The following PTPRG variants were observed in gnomAD, a reference collection of about 807,000 sequenced individuals.
PTPRG encodes the protein protein tyrosine phosphatase receptor type G.
A neutral mutation model predicts 165.3 loss-of-function variants in PTPRG; 102 were observed. The ratio of observed to expected loss-of-function variants is 0.62; its 90% CI spans 0.53 to 0.73. PTPRG has a LOEUF of 0.73. PTPRG is among the 30% of genes least tolerant of loss of function. PTPRG has a pLI of 0.00. For synonymous variants in PTPRG, 675 were observed against 669.5 expected (o/e 1.01, Z -0.13); for missense variants, 1,866 against 1,861.4 (o/e 1.00, Z -0.05).
At chr3:62,165,606 CAG>C (rs1704941536) in intron 7 of PTPRG, among the ~76,000 whole-genome samples, 1 of 152,100 alleles carries the variant, frequency 6.6e-6, no homozygotes, top group South Asian at 2.1e-4. Flanking sequence ...TAAAGTAACT[CAG>C]AGAATTGAAG....
chr3:62,029,547 A>G (rs1446188912), intron 4 of PTPRG, among the ~76,000 whole-genome samples: 1 of 152,220 alleles, frequency 6.6e-6, no homozygotes, highest in Non-Finnish European at 1.5e-5. Context: ...TTATTAATTT[A>G]TCCATCTTCA....
chr3:61,753,313 TAA>T (rs1277712550), intron 2 of PTPRG, among the ~76,000 whole-genome samples: 1 of 152,216 alleles, frequency 6.6e-6, no homozygotes, highest in Non-Finnish European at 1.5e-5. Flanking sequence ...GGGAATGAGT[TAA>T]GTTTCATATA....
chr3:61,753,952 A>C (rs2033546583), intron 2 of PTPRG, among the ~76,000 whole-genome samples: 1 of 152,168 alleles, frequency 6.6e-6, no homozygotes, highest in African/African-American at 2.4e-5. Context: ...GACTAGAGAA[A>C]AACAGGTGGT....
Position 61,685,951 on chromosome 3 carries a change from A to C in PTPRG, c.86-62927A>C, listed in dbSNP as rs150941053. ...TTTCTTATTGCCGTGTTCTCTTTTG[A>C]GCTTGGAAAGATTAGTTACCGCTTG... On this transcript the variant is annotated intron_variant, in intron 1 of 29. Coordinates refer to ENST00000474889, the MANE Select transcript of PTPRG (RefSeq NM_002841.4). Among the ~76,000 whole-genome samples the C allele has an allele frequency of 4.2e-3, 642 of 152,034 alleles. 2 individuals are homozygous for C. Among genetic ancestry groups the C allele is most frequent in the Non-Finnish European group, 5.1e-3 (346 of 67,998 alleles).
At position 61,870,055 on chromosome 3, in the gene PTPRG, T is replaced by G. The variant is rs115156077; in HGVS notation, c.191-119570T>G. The stretch of plus-strand genomic sequence containing the variant: ...CATATTGAGCTTTCACTTGGCAAAG[T>G]CTTCACCTCCCAGTACCATCACCTT... On this transcript the variant is annotated intron_variant, in intron 2 of 29. Coordinates refer to ENST00000474889, the MANE Select transcript of PTPRG (RefSeq NM_002841.4). Among the ~76,000 whole-genome samples the G allele has an allele frequency of 1.5e-3, 224 of 152,244 alleles. 2 individuals are homozygous for G. Among genetic ancestry groups the G allele is most frequent in the African/African-American group, 5.0e-3 (207 of 41,546 alleles).
chr3:61,654,782 CTTTT>C (rs5849443), intron 1 of PTPRG, among the ~76,000 whole-genome samples: 1 of 129,452 alleles, frequency 7.7e-6, no homozygotes, highest in Non-Finnish European at 1.6e-5. Flanking sequence ...TGTGCTTTTT[CTTTT>C]TTTTTTTTTT....
chr3:61,921,102 TCTC>T (rs1366856142), intron 2 of PTPRG, among the ~76,000 whole-genome samples: 1 of 147,250 alleles, frequency 6.8e-6, no homozygotes, highest in Non-Finnish European at 1.5e-5. Flanking sequence ...CTTCCATCCA[TCTC>T]CTTCCATCCA....
intron 5 of PTPRG, among the ~76,000 whole-genome samples, chr3:62,128,423 T>C (rs1703394504): frequency 6.6e-6 from 1 of 152,048 alleles, no homozygotes; most frequent in Non-Finnish European, 1.5e-5. Context: ...TAAATTTGGA[T>C]CTTTTGAAAT....
chr3:61,668,123 C>T (rs927058607), intron 1 of PTPRG, among the ~76,000 whole-genome samples: 2 of 152,152 alleles, frequency 1.3e-5, no homozygotes, highest in African/African-American at 4.8e-5. Flanking sequence ...AGTGAGTCTG[C>T]CTACCCATAC....
intron 17 of PTPRG, among the ~76,000 whole-genome samples, chr3:62,265,896 T>TACACACACACACACACACCC (rs1701856078): frequency 7.7e-6 from 1 of 130,528 alleles, no homozygotes; most frequent in Non-Finnish European, 1.6e-5. Flanking sequence ...GTGCCTTATA[T>TACACACACACACACACACCC]ACACACACAC....
In PTPRG at chr3:62,219,570, G is replaced by C. The variant is rs1384434358; in HGVS notation, c.2288+587G>C. Among the ~76,000 whole-genome samples, 1 of 152,190 alleles carries C rather than the reference G, an allele frequency of 6.6e-6. No homozygotes were observed. The highest frequency in any genetic ancestry group is 1.5e-5 in the Non-Finnish European group (1 of 68,034). On this transcript the variant is annotated intron_variant, in intron 13 of 29. Coordinates refer to ENST00000474889, the MANE Select transcript of PTPRG (RefSeq NM_002841.4). The surrounding 1 kb of genome is among the most constrained non-coding windows in gnomAD (Gnocchi z 4.5). ...AGGTTGCAGCCTCTGTTTAGAAGTT[G>C]TGTTTTTTCAGCCGGACCGTCTCAG...
intron 4 of PTPRG, among the ~76,000 whole-genome samples, chr3:62,062,946 GC>G (rs140194829): frequency 0.013 from 1,954 of 152,270 alleles, 40 homozygotes; most frequent in African/African-American, 0.045. Flanking sequence ...GAGCCACCAT[GC>G]CCAGCCAATT....
At chr3:61,787,086 G>A (rs1435428033) in intron 2 of PTPRG, among the ~76,000 whole-genome samples, 1 of 152,008 alleles carries the variant, frequency 6.6e-6, no homozygotes, top group African/African-American at 2.4e-5. Flanking sequence ...TTTCCCCAAA[G>A]CTGAATCCTT....
chr3:62,133,064 GT>G (rs1370241845), intron 6 of PTPRG, among the ~76,000 whole-genome samples: 1 of 152,160 alleles, frequency 6.6e-6, no homozygotes, highest in African/African-American at 2.4e-5. Context: ...AGCCAGACAA[GT>G]TATTAAACTT....
At chr3:61,936,323 C>G (rs2039484006) in intron 2 of PTPRG, among the ~76,000 whole-genome samples, 1 of 152,192 alleles carries the variant, frequency 6.6e-6, no homozygotes, top group Non-Finnish European at 1.5e-5. Context: ...AGGTGAGTAA[C>G]TTGCCCATGA....
chr3:61,944,903 C>T (rs1261144156), intron 2 of PTPRG, among the ~76,000 whole-genome samples: 3 of 152,138 alleles, frequency 2.0e-5, no homozygotes, highest in Admixed American at 6.5e-5. Flanking sequence ...GACTGAAATT[C>T]CCCGTGGCAT....
At chr3:61,680,067 G>A (rs1022150868) in intron 1 of PTPRG, among the ~76,000 whole-genome samples, 3 of 152,148 alleles carry the variant, frequency 2.0e-5, no homozygotes, top group African/African-American at 7.2e-5. Context: ...AAACTGATGA[G>A]CAGAGCAAAC....
At chr3:62,056,015 G>T (rs1700621320) in intron 4 of PTPRG, among the ~76,000 whole-genome samples, 3 of 152,212 alleles carry the variant, frequency 2.0e-5, no homozygotes, top group Admixed American at 2.0e-4. Flanking sequence ...CTAGTAAGCA[G>T]TAGAGAGAAT....
At chr3:61,734,865 G>C (rs1336477871) in intron 1 of PTPRG, among the ~76,000 whole-genome samples, 3 of 152,064 alleles carry the variant, frequency 2.0e-5, no homozygotes, top group African/African-American at 7.2e-5. Context: ...ATATTGAGAG[G>C]GGGGGAATAA....
Sources: allele counts gnomAD v4.1 joint callset (sites outside exome capture counted in the v4.1 genomes callset), GRCh38; gene constraint gnomAD v4.1.1; non-coding constraint Gnocchi (gnomAD v3.1); transcripts MANE v1.5; gene names NCBI Gene and HGNC (gene_info 2026-07-23, HGNC 2026-07-21).